Variants in TAB2 observed in about 807,000 individuals in gnomAD.
The protein encoded by TAB2 is TGF-beta activated kinase 1 (MAP3K7) binding protein 2.
Under a neutral mutation model 65.0 loss-of-function variants are expected in TAB2, and 3 were observed. That is an observed-to-expected ratio of 0.05 (90% CI 0.02 to 0.12). TAB2 has a LOEUF of 0.12. Ranked by LOEUF, TAB2 falls within the 10% of genes least tolerant of loss-of-function variation. The pLI is 1.00. For missense variants in TAB2, 623 were observed against 840.3 expected, an observed-to-expected ratio of 0.74 and a Z score of 3.20; for synonymous variants, 298 against 285.1, an observed-to-expected ratio of 1.05 and a Z score of -0.46.
intron 1 of TAB2, among the ~76,000 whole-genome samples, chr6:149,363,655 G>A (rs144650177): frequency 0.014 from 2,191 of 152,072 alleles, 54 homozygotes; most frequent in African/African-American, 0.051. Flanking sequence ...ACTATATAAT[G>A]TTTTATCCAT....
chr6:149,227,674 G>A (rs569842662), intron 1 of TAB2, among the ~76,000 whole-genome samples: 1 of 152,316 alleles, frequency 6.6e-6, no homozygotes, highest in African/African-American at 2.4e-5. Flanking sequence ...AATCTTTTCT[G>A]GACCTTGGGC....
In TAB2 at chr6:149,378,622, T is replaced by G; in HGVS notation, c.707T>G (p.Val236Gly). ...TRQTQQHSGWVSQFNPMNPQQ... is the reference protein window; with the variant it reads ...TRQTQQHSGWGSQFNPMNPQQ... ...CAGACACAACAGCATTCTGGCTGGG[T>G]ATCTCAGTTTAATCCCATGAACCCT... The change falls in exon 3 of 7, where the codon GTA becomes GGA. Residue 236 changes from valine (V) to glycine (G), a missense_variant. Around this residue, in one of 3 missense-constraint regions of TAB2, gnomAD observed 550 missense variants for 665.7 expected, o/e 0.83. Coordinates refer to ENST00000637181, the MANE Select transcript of TAB2 (RefSeq NM_001292034.3). 1 of 1,613,358 alleles carries G rather than the reference T, an allele frequency of 6.2e-7. No homozygotes were observed. The highest frequency in any genetic ancestry group is 8.5e-7 in the Non-Finnish European group (1 of 1,180,034).
At chr6:149,321,866 AT>A (rs1270076960) in intron 1 of TAB2, among the ~76,000 whole-genome samples, 1 of 152,170 alleles carries the variant, frequency 6.6e-6, no homozygotes, top group Non-Finnish European at 1.5e-5. Flanking sequence ...TTTGTTCAAA[AT>A]TTAATTTACA....
intron 1 of TAB2, among the ~76,000 whole-genome samples, chr6:149,283,397 C>A (rs751325692): frequency 3.3e-5 from 5 of 152,116 alleles, no homozygotes; most frequent in Non-Finnish European, 7.4e-5. Context: ...CAGAGAATGT[C>A]ATTTGATGGT....
chr6:149,370,171 T>C (rs1471925395), intron 2 of TAB2, 72 bp downstream of exon 2: 15 of 1,268,630 alleles, frequency 1.2e-5, no homozygotes, highest in Non-Finnish European at 1.6e-5. Context: ...AGAAAAACTC[T>C]TTTAGGTTAT....
Position 149,343,340 on chromosome 6 carries a change from G to A in TAB2, c.-90+25325G>A, listed in dbSNP as rs1238289758. Among the ~76,000 whole-genome samples the A allele has an allele frequency of 5.3e-5, 8 of 151,948 alleles. No homozygotes were observed. The East Asian group carries it at 5.8e-4, about 11-fold the overall frequency. On this transcript the variant is annotated intron_variant, in intron 1 of 6. Coordinates refer to ENST00000637181, the MANE Select transcript of TAB2 (RefSeq NM_001292034.3). ...AAAAAAATTAGGCAGGCTTGGTGGCGTGCACCTGTAGTCCCAGCTGCTTGG... is the reference window on the plus strand; with the variant it reads ...AAAAAAATTAGGCAGGCTTGGTGGCATGCACCTGTAGTCCCAGCTGCTTGG...
chr6:149,322,519 C>G (rs1003592502), intron 1 of TAB2, among the ~76,000 whole-genome samples: 7 of 152,058 alleles, frequency 4.6e-5, no homozygotes, highest in African/African-American at 1.7e-4. Context: ...GATAGAAAAT[C>G]GGAGTTTTTA....
chr6:149,306,342 C>A (rs1779068363), intron 1 of TAB2, among the ~76,000 whole-genome samples: 1 of 151,982 alleles, frequency 6.6e-6, no homozygotes, highest in African/African-American at 2.4e-5. Flanking sequence ...AGATCGAGAC[C>A]ATCCTGGCTA....
At chr6:149,239,958 A>G (rs1023991498) in intron 1 of TAB2, among the ~76,000 whole-genome samples, 2 of 152,188 alleles carry the variant, frequency 1.3e-5, no homozygotes, top group Admixed American at 6.5e-5. Context: ...GACTAGAAGC[A>G]TACTCCAAAA....
chr6:149,375,566 T>C (rs935356074), intron 2 of TAB2, among the ~76,000 whole-genome samples: 2 of 152,086 alleles, frequency 1.3e-5, no homozygotes, highest in African/African-American at 4.8e-5. Context: ...AAAGGAAATG[T>C]GGAATTGGAT....
chr6:149,405,870 T>C (rs187994942), intron 6 of TAB2, among the ~76,000 whole-genome samples: 2 of 152,176 alleles, frequency 1.3e-5, no homozygotes, highest in African/African-American at 2.4e-5. Context: ...ATAACTGAAA[T>C]TTGCTAAAGG....
chr6:149,353,440 T>C (rs1164737293), intron 1 of TAB2, among the ~76,000 whole-genome samples: 1 of 152,214 alleles, frequency 6.6e-6, no homozygotes, highest in Non-Finnish European at 1.5e-5. Flanking sequence ...CAGATAATCA[T>C]TGTTACCAGT....
chr6:149,335,357 T>C (rs1235234202), intron 1 of TAB2, among the ~76,000 whole-genome samples: 1 of 151,062 alleles, frequency 6.6e-6, no homozygotes, highest in East Asian at 1.9e-4. Context: ...ATATATAACA[T>C]ATATATAATA....
chr6:149,268,864 G>A (rs758736993), intron 1 of TAB2, among the ~76,000 whole-genome samples: 1 of 152,128 alleles, frequency 6.6e-6, no homozygotes, highest in Non-Finnish European at 1.5e-5. Context: ...TACAGTAGTT[G>A]TTTCCAATTC....
At chr6:149,288,321 C>A (rs1778714149) in intron 1 of TAB2, among the ~76,000 whole-genome samples, 1 of 152,190 alleles carries the variant, frequency 6.6e-6, no homozygotes, top group South Asian at 2.1e-4. Context: ...AACAGAGTTA[C>A]AAGTGCACAG....
chr6:149,351,035 C>G (rs1363221103), intron 1 of TAB2, among the ~76,000 whole-genome samples: 1 of 152,112 alleles, frequency 6.6e-6, no homozygotes, highest in Non-Finnish European at 1.5e-5. Context: ...CTCCTTTCTT[C>G]CTCCTGCAAG....
intron 1 of TAB2, among the ~76,000 whole-genome samples, chr6:149,275,275 AG>A (rs1162802338): frequency 9.9e-5 from 15 of 151,090 alleles, no homozygotes; most frequent in East Asian, 7.8e-4. Flanking sequence ...AAAGAAAGAA[AG>A]AAAGAAAGAA....
At chr6:149,397,227 G>C (rs967781670) in intron 3 of TAB2, among the ~76,000 whole-genome samples, 2 of 152,062 alleles carry the variant, frequency 1.3e-5, no homozygotes, top group African/African-American at 2.4e-5. Context: ...GGATCACCTG[G>C]GGTCCAGAGT....
intron 1 of TAB2, among the ~76,000 whole-genome samples, chr6:149,250,238 A>T (rs1008828212): frequency 8.5e-5 from 13 of 152,152 alleles, no homozygotes; most frequent in Non-Finnish European, 1.5e-4. Flanking sequence ...ATAAAGCCAG[A>T]TTTTTATGCC....
Sources: allele counts gnomAD v4.1 joint callset (sites outside exome capture counted in the v4.1 genomes callset), GRCh38; gene constraint gnomAD v4.1.1; regional missense constraint gnomAD v4.1.1; transcripts MANE v1.5; gene names NCBI Gene and HGNC (gene_info 2026-07-23, HGNC 2026-07-21).